Variants in DLGAP2 observed in about 807,000 individuals in gnomAD.
DLGAP2 encodes DLG associated protein 2, also known as disks large-associated protein 2.
Under a neutral mutation model 100.3 loss-of-function variants are expected in DLGAP2, and 26 were observed. That is an observed-to-expected ratio of 0.26 (90% CI 0.19 to 0.36). The LOEUF is 0.36. DLGAP2 is among the 10% of genes least tolerant of loss of function. The probability of loss-of-function intolerance (pLI) is 1.00; values close to 1 mark genes in which losing one functional copy is unlikely to be tolerated. For synonymous variants in DLGAP2, 886 were observed against 630.1 expected (o/e 1.41, Z -6.08); for missense variants, 1,858 against 1,453.2 (o/e 1.28, Z -4.53).
chr8:1,425,186 C>G (rs545045893), intron 3 of DLGAP2, among the ~76,000 whole-genome samples: 58 of 152,134 alleles, frequency 3.8e-4, no homozygotes, highest in Non-Finnish European at 7.3e-4. Context: ...AACTCCATAG[C>G]CTCAGTCATG....
At chr8:1,139,944 C>T (rs983587165) in intron 2 of DLGAP2, among the ~76,000 whole-genome samples, 4 of 152,170 alleles carry the variant, frequency 2.6e-5, no homozygotes, top group African/African-American at 4.8e-5. Flanking sequence ...TTTGGCAGAG[C>T]GAGGCTTGAA....
intron 3 of DLGAP2, among the ~76,000 whole-genome samples, chr8:1,421,873 G>A (rs1797095903): frequency 6.6e-6 from 1 of 152,164 alleles, no homozygotes; most frequent in African/African-American, 2.4e-5. Context: ...CTCTGAGGCA[G>A]GAGAATCACT....
chr8:868,407 G>A (rs115394193), intron 1 of DLGAP2, among the ~76,000 whole-genome samples: 2,036 of 152,242 alleles, frequency 0.013, 48 homozygotes, highest in African/African-American at 0.046. Context: ...AGAAAAATGA[G>A]CCATCTTTGT....
At chr8:1,338,539 C>T (rs1273557368) in intron 3 of DLGAP2, among the ~76,000 whole-genome samples, 1 of 152,178 alleles carries the variant, frequency 6.6e-6, no homozygotes, top group Non-Finnish European at 1.5e-5. Context: ...GATGCAAATC[C>T]TTTGAAATTA....
At chr8:1,451,179 A>G (rs12541368) in intron 3 of DLGAP2, among the ~76,000 whole-genome samples, 22,914 of 152,132 alleles carry the variant, frequency 0.15, 1,996 homozygotes, top group South Asian at 0.27. Flanking sequence ...GTGCTGCTGC[A>G]TGCAGGCCAT....
intron 4 of DLGAP2, among the ~76,000 whole-genome samples, chr8:1,524,743 A>T (rs1030328263): frequency 6.6e-6 from 1 of 152,154 alleles, no homozygotes; most frequent in East Asian, 1.9e-4. Flanking sequence ...GGACACAGTC[A>T]TCGGACCAGC....
rs1050576553 is a variant in DLGAP2, at chr8:1,641,129, C to G, written c.1810+8083C>G. Among the ~76,000 whole-genome samples, 6 of 152,302 alleles carry G rather than the reference C, an allele frequency of 3.9e-5. No individual in the cohort carries two copies. In the East Asian group the frequency reaches 1.2e-3, roughly 29 times the overall value. On this transcript the variant is annotated intron_variant, in intron 8 of 14. Coordinates refer to ENST00000637795, the MANE Select transcript of DLGAP2 (RefSeq NM_001346810.2). ...TGCTGTAGAGAAGGAGTGGAACCAG[C>G]TCCCAGTAAGGGTTTCCAAAGGTTA...
chr8:896,247 G>T lies in DLGAP2; in HGVS notation c.19-11665G>T, dbSNP rs186413978. The stretch of plus-strand genomic sequence containing the variant: ...GTGGCTAGGTAGGTGTGGGGCAGTG[G>T]TGAGAGGTGTCAATCTCCAGGGTTT... On this transcript the variant is annotated intron_variant, in intron 1 of 14. Coordinates refer to ENST00000637795, the MANE Select transcript of DLGAP2 (RefSeq NM_001346810.2). Among the ~76,000 whole-genome samples, 64 of 151,278 alleles carry T rather than the reference G, an allele frequency of 4.2e-4. No homozygotes were observed. The East Asian group carries it at 9.5e-3, about 23-fold the overall frequency.
At chr8:1,434,559 C>T (rs754775946) in intron 3 of DLGAP2, among the ~76,000 whole-genome samples, 14 of 152,116 alleles carry the variant, frequency 9.2e-5, no homozygotes, top group Non-Finnish European at 1.9e-4. Flanking sequence ...TCACTGCAGG[C>T]TCAACCTCCT....
rs147839837 is a variant in DLGAP2, at chr8:1,566,542, T to C, written c.1442+648T>C. ...TCCCACAAGTTAGTTTGGGTGGTAA[T>C]GCCAAGAACTGCCTGGAAGCTACCC... is the stretch of plus-strand genomic sequence containing the variant. On this transcript the variant is annotated intron_variant, in intron 6 of 14. Transcript: ENST00000637795. Among the ~76,000 whole-genome samples, 1,362 of 152,336 alleles carry C rather than the reference T, an allele frequency of 8.9e-3. 24 individuals carry two copies. The highest frequency in any genetic ancestry group is 0.031 in the African/African-American group (1,295 of 41,576).
intron 1 of DLGAP2, among the ~76,000 whole-genome samples, chr8:891,007 C>T (rs2128995508): frequency 6.6e-6 from 1 of 152,252 alleles, no homozygotes; most frequent in Non-Finnish European, 1.5e-5. Context: ...GTTTGCAGGG[C>T]TGTGTCCCTG....
intron 1 of DLGAP2, among the ~76,000 whole-genome samples, chr8:806,962 C>G (rs1796282510): frequency 6.6e-6 from 1 of 152,124 alleles, no homozygotes; most frequent in South Asian, 2.1e-4. Flanking sequence ...TGTGGTTTTC[C>G]CCTGGAACTG....
rs145382472 is a variant in DLGAP2 at position 1,570,811 on chromosome 8, G to C, written c.1442+4917G>C. The stretch of plus-strand genomic sequence containing the variant: ...ATGGAGAGGAGAGAGGGTGAACTGT[G>C]GGGATGTCTGATGAGATGGAGAGGA... On this transcript the variant is annotated intron_variant, in intron 6 of 14. Transcript: ENST00000637795. Among the ~76,000 whole-genome samples, 385 of 147,314 alleles carry C rather than the reference G, an allele frequency of 2.6e-3. 15 individuals are homozygous for C. The East Asian group carries it at 0.069, about 26-fold the overall frequency.
intron 6 of DLGAP2, among the ~76,000 whole-genome samples, chr8:1,571,994 G>C (rs866478118): frequency 5.2e-4 from 72 of 138,380 alleles, no homozygotes; most frequent in Middle Eastern, 5.0e-3. Context: ...AGAGGAGAGA[G>C]GGTGAACTGT....
chr8:1,070,606 C>T (rs1803398270), intron 2 of DLGAP2, among the ~76,000 whole-genome samples: 1 of 152,130 alleles, frequency 6.6e-6, no homozygotes, highest in African/African-American at 2.4e-5. Flanking sequence ...TTGAAAGGTG[C>T]AGCTTTCACA....
At chr8:1,113,099 C>T (rs905833124) in intron 2 of DLGAP2, among the ~76,000 whole-genome samples, 2 of 152,158 alleles carry the variant, frequency 1.3e-5, no homozygotes, top group Non-Finnish European at 2.9e-5. Context: ...CTGTTTGTTA[C>T]TGTAGCCCTG....
At chr8:1,660,821 G>C (rs962380928) in intron 8 of DLGAP2, among the ~76,000 whole-genome samples, 2 of 152,150 alleles carry the variant, frequency 1.3e-5, no homozygotes, top group Non-Finnish European at 2.9e-5. Context: ...ACTTTCCCTT[G>C]GTCCTTTAGC....
chr8:1,139,474 C>T (rs1006013699), intron 2 of DLGAP2, among the ~76,000 whole-genome samples: 42 of 152,194 alleles, frequency 2.8e-4, no homozygotes, highest in East Asian at 3.9e-4. Flanking sequence ...TGTGTCCTCA[C>T]GTGGAGCAAG....
chr8:780,388 T>C (rs192694625), intron 1 of DLGAP2, among the ~76,000 whole-genome samples: 115 of 152,350 alleles, frequency 7.5e-4, no homozygotes, highest in Non-Finnish European at 1.2e-3. Flanking sequence ...ATTCATCCAT[T>C]GACAGACACG....
Sources: allele counts gnomAD v4.1 joint callset (sites outside exome capture counted in the v4.1 genomes callset), GRCh38; gene constraint gnomAD v4.1.1; transcripts MANE v1.5; gene names NCBI Gene and HGNC (gene_info 2026-07-23, HGNC 2026-07-21).